DOCK6: variants seen among roughly 807,000 people sequenced by gnomAD.
DOCK6 encodes dedicator of cytokinesis protein 6.
In DOCK6, 167 loss-of-function variants were observed where a neutral mutation model predicts 230.3. That is an observed-to-expected ratio of 0.73 (90% confidence interval 0.64 to 0.82). The LOEUF (loss-of-function observed/expected upper bound fraction) is 0.82, where lower values mean the gene tolerates loss of function less well. Among genes scored for constraint, DOCK6 ranks in the 40% least tolerant of loss-of-function variants. The pLI is 0.00. For missense variants in DOCK6, 2,598 were observed against 2,825.8 expected, an observed-to-expected ratio of 0.92 and a Z score of 1.83; for synonymous variants, 1,148 against 1,185.0, an observed-to-expected ratio of 0.97 and a Z score of 0.64.
chr19:11,199,397 C>T lies in DOCK6; in HGVS notation c.*100G>A, dbSNP rs1226929733. On this transcript the variant is annotated 3_prime_UTR_variant, in exon 48 of 48. Coordinates refer to ENST00000294618, the MANE Select transcript of DOCK6 (RefSeq NM_020812.4). ...CCCAGCCCCAAGTACAGTGTGGTCACCCCACAGCCCAGTGGGCACCAGGGC... is the reference window on the plus strand; with the variant it reads ...CCCAGCCCCAAGTACAGTGTGGTCATCCCACAGCCCAGTGGGCACCAGGGC... 3.5e-6 allele frequency: 5 copies of T among 1,415,834 alleles called. No homozygotes were observed. The African/African-American group carries it at 7.1e-5, about 20-fold the overall frequency. 87.7% of individuals were successfully genotyped at this position (1,415,834 alleles called of 1,614,324 possible).
Position 11,252,464 on chromosome 19 carries a change from C to A in DOCK6, c.377+18G>T. 1 of 1,613,650 alleles carries A rather than the reference C, an allele frequency of 6.2e-7. No individual in the cohort carries two copies. The highest frequency in any genetic ancestry group is 8.5e-7 in the Non-Finnish European group (1 of 1,179,730). ...TTTGGGTTCCGAACCCCCTGAGCTG[C>A]CCCTAAGTCAGACTCACCTTCTGTG... On this transcript the variant is annotated intron_variant, in intron 4 of 47. Coordinates refer to ENST00000294618, the MANE Select transcript of DOCK6 (RefSeq NM_020812.4).
At chr19:11,203,634 C>A in intron 41 of DOCK6, 1 of 187,618 alleles carries the variant, frequency 5.3e-6, no homozygotes, top group Non-Finnish European at 1.1e-5. Flanking sequence ...ACACATTAAC[C>A]AGAAATGAGG....
chr19:11,262,317 C>T (rs2080304142), intron 1 of DOCK6, 80 bp downstream of exon 1: 9 of 811,672 alleles, frequency 1.1e-5, no homozygotes, highest in South Asian at 5.4e-5. Context: ...TGGGGGCGCC[C>T]GGGCGGGGAG....
Position 11,236,849 on chromosome 19 carries a change from C to G in DOCK6, c.2104G>C (p.Gly702Arg). The G allele has an allele frequency of 6.4e-7, 1 of 1,555,486 alleles. No individual in the cohort carries two copies. Among genetic ancestry groups the G allele is most frequent in the South Asian group, 1.2e-5 (1 of 84,236 alleles). The change falls in exon 19 of 48, where the codon GGT (glycine) becomes CGT (arginine). Residue 702 changes from glycine to arginine, a missense_variant. Coordinates refer to ENST00000294618, the MANE Select transcript of DOCK6 (RefSeq NM_020812.4). The surrounding 1 kb of genome is among the most constrained non-coding windows in gnomAD (Gnocchi z 5.2). The stretch of plus-strand genomic sequence containing the variant: ...TCCACACTGAACACGCCCTTGTGAC[C>G]GTCCACCCAGCGCATGCCCGGAAGC... ...VALPGMRWVDGHKGVFSVELT... is the reference protein window; with the variant it reads ...VALPGMRWVDRHKGVFSVELT...
At chr19:11,211,308 C>G (rs1295589529) in intron 37 of DOCK6, among the ~76,000 whole-genome samples, 1 of 151,914 alleles carries the variant, frequency 6.6e-6, no homozygotes, top group African/African-American at 2.4e-5. Context: ...CCTCCCCCAT[C>G]TCCATCACCC....
In DOCK6 at chr19:11,222,858, G is replaced by T; in HGVS notation, c.3117C>A (p.Thr1039=). ...QSSPNPAALL[T]LRMEFTRILC... ...GGATGCGGGTGAATTCCATGCGCAGGGTCAGCAGGGCTGCTGGATTAGGGG... is the reference window on the plus strand; with the variant it reads ...GGATGCGGGTGAATTCCATGCGCAGTGTCAGCAGGGCTGCTGGATTAGGGG... The change falls in exon 26 of 48, where the codon ACC becomes ACA. Residue 1039 remains threonine, a synonymous_variant. Coordinates refer to ENST00000294618, the MANE Select transcript of DOCK6 (RefSeq NM_020812.4). This position sits in a 1 kb window ranked among gnomAD's most constrained non-coding sequence, Gnocchi z 4.0. The T allele has an allele frequency of 6.2e-7, 1 of 1,604,772 alleles. No homozygotes were observed. The highest frequency in any genetic ancestry group is 2.2e-5 in the East Asian group (1 of 44,482).
In DOCK6 at chr19:11,252,228, G is replaced by A. The variant is rs758680661; in HGVS notation, c.398C>T (p.Ala133Val). ...TGTGTCTGTGGTGACGGGGCTGTAT[G>A]CTGCACTCAGGTACTGATACCTAGC... The part of the protein sequence containing the change: ...VHRRYQYLSA[A>V]YSPVTTDTQR... Residue 133 changes from alanine (A) to valine (V), a missense_variant, in exon 5 of 48, where the codon GCA (alanine) becomes GTA (valine). Coordinates refer to ENST00000294618, the MANE Select transcript of DOCK6 (RefSeq NM_020812.4). The A allele has an allele frequency of 1.0e-5, 16 of 1,584,450 alleles. No individual in the cohort carries two copies. Among genetic ancestry groups the A allele is most frequent in the Middle Eastern group, 3.3e-4 (2 of 6,022 alleles).
chr19:11,253,642 C>T lies in DOCK6; in HGVS notation c.129G>A (p.Leu43=). Residue 43 remains leucine, a synonymous_variant, in exon 2 of 48, where the codon CTG becomes CTA. Coordinates refer to ENST00000294618, the MANE Select transcript of DOCK6 (RefSeq NM_020812.4). ...GGCGGACCCCCCAAATACTTACCCC[C>T]AGGGAGCTGCTGCAGCGCCTGCTGG... The part of the protein sequence containing the change: ...PHSSRRCSSS[L]GVPLTEVVEP... The T allele has an allele frequency of 7.0e-7, 1 of 1,436,746 alleles. No homozygotes were observed. The highest frequency in any genetic ancestry group is 9.1e-7 in the Non-Finnish European group (1 of 1,100,112). 89.0% of individuals were successfully genotyped at this position (1,436,746 alleles called of 1,614,324 possible). A position where few individuals can be genotyped will look rare whatever the true frequency, so the allele number is the denominator to read the frequency against.
At chr19:11,229,100 C>T (rs2079721954) in intron 22 of DOCK6, 65 bp from the exon 23 acceptor site, 4 of 1,494,906 alleles carry the variant, frequency 2.7e-6, no homozygotes, top group Non-Finnish European at 3.7e-6. Flanking sequence ...CCTCTGGAGA[C>T]ATGCCAGGGG....
rs755494673 is a variant in DOCK6 at position 11,201,211 on chromosome 19, G to T, written c.5689-159C>A. Among the ~76,000 whole-genome samples the T allele has an allele frequency of 6.6e-6, 1 of 151,900 alleles. No homozygotes were observed. The highest frequency in any genetic ancestry group is 2.4e-5 in the African/African-American group (1 of 41,352). On this transcript the variant is annotated intron_variant, in intron 44 of 47. Transcript: ENST00000294618. This position sits in a 1 kb window ranked among gnomAD's most constrained non-coding sequence, Gnocchi z 4.3. ...CCTTCCTGGGTCTGACTCTGGGGGG[G>T]TCCAGCCTTGGGTCTGCTGGGTCTG...
chr19:11,253,409 C>T (rs2080150805), intron 2 of DOCK6, among the ~76,000 whole-genome samples: 1 of 152,122 alleles, frequency 6.6e-6, no homozygotes, highest in Non-Finnish European at 1.5e-5. Context: ...AGCCACTCCC[C>T]TGACCACCCA....
intron 1 of DOCK6, among the ~76,000 whole-genome samples, chr19:11,256,070 G>A (rs940206589): frequency 1.3e-5 from 2 of 152,192 alleles, no homozygotes; most frequent in Non-Finnish European, 2.9e-5. Flanking sequence ...TTACAGGTGT[G>A]AGCCACCTTG....
intron 39 of DOCK6, chr19:11,206,159 AC>A (rs967727561): frequency 4.6e-5 from 7 of 152,216 alleles, no homozygotes; most frequent in African/African-American, 1.7e-4. Flanking sequence ...CCAGAAAAAC[AC>A]ACGGAGCAAA....
chr19:11,213,109 G>T lies in DOCK6; in HGVS notation c.4491+67C>A, dbSNP rs368916179. On this transcript the variant is annotated intron_variant, in intron 35 of 47. Coordinates refer to ENST00000294618, the MANE Select transcript of DOCK6 (RefSeq NM_020812.4). ...TCTCCCCCTCCCTCACTCCCTGTAT[G>T]GTTGAGACCCCACTGGCCACCCTGA... is the stretch of plus-strand genomic sequence containing the variant. 12 of 1,558,470 alleles carry T rather than the reference G, an allele frequency of 7.7e-6. No homozygotes were observed. In the African/African-American group the frequency reaches 1.5e-4, roughly 19 times the overall value.
chr19:11,234,109 C>A (rs541654234), intron 21 of DOCK6, among the ~76,000 whole-genome samples: 1 of 152,140 alleles, frequency 6.6e-6, no homozygotes, highest in African/African-American at 2.4e-5. Flanking sequence ...GTGTGATTCT[C>A]TTGCCTCAGC....
In DOCK6 at chr19:11,237,450, A is replaced by T. The variant is rs201976636; in HGVS notation, c.2073+6T>A. On this transcript the variant is annotated splice_donor_region_variant and intron_variant, in intron 18 of 47. Coordinates refer to ENST00000294618, the MANE Select transcript of DOCK6 (RefSeq NM_020812.4). ...CATTGGCAGGCAGGAGCTCCAGGGC[A>T]CATACATCGGGTGTGAGCACGGAAT... is the stretch of plus-strand genomic sequence containing the variant. 10 of 1,613,348 alleles carry T rather than the reference A, an allele frequency of 6.2e-6. No individual in the cohort carries two copies. The East Asian group carries it at 2.2e-4, about 36-fold the overall frequency.
chr19:11,222,628 G>T lies in DOCK6; in HGVS notation c.3240+107C>A. 1.6e-6 allele frequency: 2 copies of T among 1,217,126 alleles called. No individual in the cohort carries two copies. Among genetic ancestry groups the T allele is most frequent in the Non-Finnish European group, 2.3e-6 (2 of 883,660 alleles). The allele number at this position is 1,217,126 out of a possible 1,614,324, so 75.4% of individuals were successfully genotyped here. On this transcript the variant is annotated intron_variant, in intron 26 of 47. Transcript: ENST00000294618. This position sits in a 1 kb window ranked among gnomAD's most constrained non-coding sequence, Gnocchi z 4.0. ...CAAACATAAGGGATTAGTTCACCTA[G>T]GCAGTGGTCCACCGTGAAAGGGACA...
At position 11,246,716 on chromosome 19, in the gene DOCK6, C is replaced by T. The variant is rs189246002; in HGVS notation, c.807-838G>A. ...CTTGAAATTCTCAACTTCCGGGTTT[C>T]CCCATCCCTCCTTTCTGGGGTGTCA... On this transcript the variant is annotated intron_variant, in intron 7 of 47. Coordinates refer to ENST00000294618, the MANE Select transcript of DOCK6 (RefSeq NM_020812.4). Among the ~76,000 whole-genome samples the T allele has an allele frequency of 3.5e-4, 53 of 152,324 alleles. 1 individual carries two copies. Among genetic ancestry groups the T allele is most frequent in the Non-Finnish European group, 4.3e-4 (29 of 68,036 alleles).
intron 14 of DOCK6, chr19:11,241,477 G>A: frequency 6.4e-7 from 1 of 1,551,948 alleles, no homozygotes; most frequent in African/African-American, 1.4e-5. Flanking sequence ...ACATCCTATG[G>A]GCCCTCACAG....
Sources: allele counts gnomAD v4.1 joint callset (sites outside exome capture counted in the v4.1 genomes callset), GRCh38; gene constraint gnomAD v4.1.1; non-coding constraint Gnocchi (gnomAD v3.1); transcripts MANE v1.5; gene names NCBI Gene and HGNC (gene_info 2026-07-23, HGNC 2026-07-21).